Variants in SPINT1 observed in about 807,000 individuals in gnomAD.
SPINT1 encodes the protein serine peptidase inhibitor, Kunitz type 1, also known as kunitz-type protease inhibitor 1.
SPINT1 carries 38 observed loss-of-function variants against 53.7 expected under a neutral mutation model. The observed-to-expected ratio is 0.71, with a 90% CI of 0.55 to 0.93. The LOEUF (loss-of-function observed/expected upper bound fraction) is 0.93, where lower values mean the gene tolerates loss of function less well. SPINT1 is among the 40% of genes least tolerant of loss of function. SPINT1 has a pLI of 0.00. For missense variants in SPINT1, 645 were observed against 692.9 expected (o/e 0.93, Z 0.78); for synonymous variants, 283 against 280.6 (o/e 1.01, Z -0.08).
chr15:40,848,412 T>A (rs1891356102), intron 2 of SPINT1, among the ~76,000 whole-genome samples: 1 of 152,236 alleles, frequency 6.6e-6, no homozygotes, highest in Non-Finnish European at 1.5e-5. Flanking sequence ...CTTGTAGGAA[T>A]TCATCTTGCA....
chr15:40,853,468 G>C (rs746299778), intron 3 of SPINT1, 21 bp from the exon 4 acceptor site: 2 of 1,614,074 alleles, frequency 1.2e-6, no homozygotes, highest in Admixed American at 3.3e-5. Context: ...GCCCAAGCCT[G>C]ATAGCCACTC....
intron 10 of SPINT1, 54 bp from the exon 11 acceptor site, chr15:40,856,716 T>C: frequency 6.2e-7 from 1 of 1,607,470 alleles, no homozygotes; most frequent in East Asian, 2.2e-5. Flanking sequence ...TGGGGGTGGG[T>C]GTCAGAACCA....
In SPINT1 at chr15:40,853,959, G is replaced by T. The variant is rs200727334; in HGVS notation, c.913+78G>T. Reference sequence around the variant, plus strand: ...GTGGTCTCTCTCTTCTGTGGCCAGGGAGGTGGGTGGTGGGAGCTCTCCCTT... The same window carrying T: ...GTGGTCTCTCTCTTCTGTGGCCAGGTAGGTGGGTGGTGGGAGCTCTCCCTT... On this transcript the variant is annotated intron_variant, in intron 5 of 10. Transcript: ENST00000562057. 57 of 1,611,828 alleles carry T rather than the reference G, an allele frequency of 3.5e-5. No individual in the cohort carries two copies. The Admixed American group carries it at 6.8e-4, about 19-fold the overall frequency.
At chr15:40,848,610 A>C (rs1891362034) in intron 2 of SPINT1, among the ~76,000 whole-genome samples, 1 of 152,260 alleles carries the variant, frequency 6.6e-6, no homozygotes, top group Admixed American at 6.5e-5. Context: ...AGAGAAAGAA[A>C]GAAAATCTAA....
intron 2 of SPINT1, among the ~76,000 whole-genome samples, chr15:40,851,498 C>G (rs1891454971): frequency 6.6e-6 from 1 of 151,346 alleles, no homozygotes; most frequent in Non-Finnish European, 1.5e-5. Context: ...AACAACCAAA[C>G]AAGAACAAAA....
Position 40,844,805 on chromosome 15 carries a change from GC to G in SPINT1, c.252del (p.Trp85GlyfsTer17). On this transcript the variant is annotated frameshift_variant, in exon 2 of 11. Transcript: ENST00000562057. LOFTEE classifies it high-confidence loss of function. The surrounding 1 kb of genome is among the most constrained non-coding windows in gnomAD (Gnocchi z 5.8). ...CTGGAGTCCCCCACCGTGCGCCGGGGCTGGGACTGCGTGCGCGCCTGCTGCA... is the reference window on the plus strand; with the variant it reads ...CTGGAGTCCCCCACCGTGCGCCGGGGTGGGACTGCGTGCGCGCCTGCTGCA... ...TFLESPTVRRGWDCVRACCTT... is the reference protein window; with the variant it reads ...TFLESPTVRRXWDCVRACCTT... 6.2e-7 allele frequency: 1 copy of G among 1,613,480 alleles called. No homozygotes were observed. Among genetic ancestry groups the G allele is most frequent in the East Asian group, 2.2e-5 (1 of 44,880 alleles).
intron 2 of SPINT1, among the ~76,000 whole-genome samples, chr15:40,849,917 T>TG (rs1488984918): frequency 1.3e-5 from 2 of 152,238 alleles, no homozygotes; most frequent in African/African-American, 4.8e-5. Context: ...GGGTCCCACT[T>TG]GCGACTGCTC....
chr15:40,852,627 C>CTGTCTGTG (rs10653499), intron 2 of SPINT1, among the ~76,000 whole-genome samples: 2,034 of 143,472 alleles, frequency 0.014, 52 homozygotes, highest in African/African-American at 0.049. Context: ...AAGTAAGTGT[C>CTGTCTGTG]TGTGTGTGTG....
rs1414158103 is a variant in SPINT1 at position 40,853,216 on chromosome 15, C to T, written c.568C>T (p.Arg190Cys). ...VLKDVENTDW[R>C]LLRGDTDVRV... is the part of the protein sequence containing the mutation. ...GAAGGATGTGGAAAACACAGATTGG[C>T]GCCTACTGCGGGGTGACACGGATGT... The change falls in exon 3 of 11, where the codon CGC (arginine) becomes TGC (cysteine). Residue 190 changes from arginine (R) to cysteine (C), a missense_variant. Coordinates refer to ENST00000562057, the MANE Select transcript of SPINT1 (RefSeq NM_003710.4). The T allele has an allele frequency of 1.6e-5, 26 of 1,614,094 alleles. No homozygotes were observed. The highest frequency in any genetic ancestry group is 1.0e-4 in the Admixed American group (6 of 60,008).
At position 40,844,306 on chromosome 15, in the gene SPINT1, G is replaced by T. The variant is rs1477351555; in HGVS notation, c.-66+120G>T. ...ACTTGAGCTCCCTAGCGGTCCGCCT[G>T]TCCGTCTGTCTGGCTGCCGGGTCCC... On this transcript the variant is annotated intron_variant, in intron 1 of 10. Coordinates refer to ENST00000562057, the MANE Select transcript of SPINT1 (RefSeq NM_003710.4). The surrounding 1 kb of genome is among the most constrained non-coding windows in gnomAD (Gnocchi z 5.8). 3.4e-6 allele frequency: 2 copies of T among 586,244 alleles called. No homozygotes were observed. Among genetic ancestry groups the T allele is most frequent in the Non-Finnish European group, 6.0e-6 (2 of 330,976 alleles). The allele number at this position is 586,244 out of a possible 1,614,324, so 36.3% of individuals were successfully genotyped here.
chr15:40,844,296 C>T lies in SPINT1; in HGVS notation c.-66+110C>T, dbSNP rs2141999511. ...GTGTCCGGGTACTTGAGCTCCCTAG[C>T]GGTCCGCCTGTCCGTCTGTCTGGCT... On this transcript the variant is annotated intron_variant, in intron 1 of 10. Transcript: ENST00000562057. This position sits in a 1 kb window ranked among gnomAD's most constrained non-coding sequence, Gnocchi z 5.8. 2 of 575,274 alleles carry T rather than the reference C, an allele frequency of 3.5e-6. No homozygotes were observed. The highest frequency in any genetic ancestry group is 4.2e-4 in the Middle Eastern group (1 of 2,366). 35.6% of individuals were successfully genotyped at this position (575,274 alleles called of 1,614,324 possible). A position where few individuals can be genotyped will look rare whatever the true frequency, so the allele number is the denominator to read the frequency against.
chr15:40,856,894 A>G lies in SPINT1; in HGVS notation c.1461A>G (p.Pro487=), dbSNP rs566812423. 15 of 1,613,582 alleles carry G rather than the reference A, an allele frequency of 9.3e-6. No homozygotes were observed. The highest frequency in any genetic ancestry group is 1.2e-5 in the Non-Finnish European group (14 of 1,179,950). Residue 487 remains proline (P), a synonymous_variant, in exon 11 of 11, where the codon CCA becomes CCG. Transcript: ENST00000562057. ...KDFHGHHHHP[P]PTPASSTVST... is the part of the protein sequence containing the mutation. ...TCCACGGACACCACCACCACCCACC[A>G]CCCACCCCTGCCAGCTCCACTGTCT...
intron 2 of SPINT1, among the ~76,000 whole-genome samples, chr15:40,848,071 T>C (rs1487847559): frequency 6.6e-6 from 1 of 152,182 alleles, no homozygotes; most frequent in Non-Finnish European, 1.5e-5. Flanking sequence ...AACCCAGTTC[T>C]CTTTTTACTA....
Position 40,844,119 on chromosome 15 carries a change from C to T in SPINT1, c.-133C>T. 1 of 436,258 alleles carries T rather than the reference C, an allele frequency of 2.3e-6. No homozygotes were observed. Among genetic ancestry groups the T allele is most frequent in the South Asian group, 1.6e-5 (1 of 62,370 alleles). 27.0% of individuals were successfully genotyped at this position (436,258 alleles called of 1,614,324 possible). A position where few individuals can be genotyped will look rare whatever the true frequency, so the allele number is the denominator to read the frequency against. On this transcript the variant is annotated 5_prime_UTR_variant, in exon 1 of 11. Transcript: ENST00000562057. The surrounding 1 kb of genome is among the most constrained non-coding windows in gnomAD (Gnocchi z 5.8). ...CCGAGCACCGGGTCGGAAGCCGCGACCCGAGCCGCGCAGGAAGCTGGGACC... is the reference window on the plus strand; with the variant it reads ...CCGAGCACCGGGTCGGAAGCCGCGATCCGAGCCGCGCAGGAAGCTGGGACC...
chr15:40,846,339 C>A (rs572676908), intron 2 of SPINT1, among the ~76,000 whole-genome samples: 1 of 152,266 alleles, frequency 6.6e-6, no homozygotes, highest in East Asian at 1.9e-4. Flanking sequence ...CCTCTCATAA[C>A]CTCTGTGAGC....
chr15:40,856,531 A>G (rs958874067), intron 10 of SPINT1, among the ~76,000 whole-genome samples: 2 of 152,134 alleles, frequency 1.3e-5, no homozygotes, highest in Non-Finnish European at 2.9e-5. Flanking sequence ...GCAGCGTCCC[A>G]GGCTTCCCCC....
At position 40,844,395 on chromosome 15, in the gene SPINT1, C is replaced by G; in HGVS notation, c.-65-95C>G. The stretch of plus-strand genomic sequence containing the variant: ...TCGATCCTGGGGTGCTCCGGTCCCT[C>G]CTCCCCGCCACTTCCTCCCGGCCGG... On this transcript the variant is annotated intron_variant, in intron 1 of 10. Coordinates refer to ENST00000562057, the MANE Select transcript of SPINT1 (RefSeq NM_003710.4). The surrounding 1 kb of genome is among the most constrained non-coding windows in gnomAD (Gnocchi z 5.8). 1 of 804,816 alleles carries G rather than the reference C, an allele frequency of 1.2e-6. No homozygotes were observed. Among genetic ancestry groups the G allele is most frequent in the Non-Finnish European group, 2.1e-6 (1 of 478,708 alleles). The allele number at this position is 804,816 out of a possible 1,614,324, so 49.9% of individuals were successfully genotyped here. A position where few individuals can be genotyped will look rare whatever the true frequency, so the allele number is the denominator to read the frequency against.
rs906882675 is a variant in SPINT1 at position 40,857,218 on chromosome 15, A to G, written c.*243A>G. ...TACCAGACTAGATGGACCTGCCTGC[A>G]TAGGAGTTTGGAGGAAGTTGGAGTT... On this transcript the variant is annotated 3_prime_UTR_variant, in exon 11 of 11. Transcript: ENST00000562057. The G allele has an allele frequency of 1.6e-5, 9 of 575,030 alleles. No individual in the cohort carries two copies. Among genetic ancestry groups the G allele is most frequent in the Middle Eastern group, 4.5e-4 (1 of 2,202 alleles). The allele number at this position is 575,030 out of a possible 1,614,324, so 35.6% of individuals were successfully genotyped here.
At chr15:40,845,543 G>C (rs1021516684) in intron 2 of SPINT1, among the ~76,000 whole-genome samples, 2 of 152,046 alleles carry the variant, frequency 1.3e-5, no homozygotes, top group African/African-American at 4.8e-5. Context: ...CCTTCACATC[G>C]GTAGTAGGCA....
Sources: gnomAD v4.1 joint callset for allele counts (sites outside exome capture counted in the v4.1 genomes callset) on GRCh38, gnomAD v4.1.1 for gene constraint, Gnocchi (gnomAD v3.1) non-coding constraint, MANE v1.5 for transcripts, NCBI Gene and HGNC (gene_info 2026-07-23, HGNC 2026-07-21) for gene names.